Variants in GLRX3 observed in about 807,000 individuals in gnomAD.
The protein encoded by GLRX3 is glutaredoxin-3.
Under a neutral mutation model 49.5 loss-of-function variants are expected in GLRX3, and 22 were observed. The ratio of observed to expected loss-of-function variants is 0.44; its 90% confidence interval spans 0.32 to 0.63. The LOEUF (loss-of-function observed/expected upper bound fraction) is 0.63. Among genes scored for constraint, GLRX3 ranks in the 30% least tolerant of loss-of-function variants. The pLI is 0.05. For synonymous variants in GLRX3, 133 were observed against 140.0 expected (o/e 0.95, Z 0.35); for missense variants, 385 against 396.3 (o/e 0.97, Z 0.24).
rs1862556700 is a variant in GLRX3 at position 130,160,653 on chromosome 10, T to C, written c.277-143T>C. 2.3e-5 allele frequency: 14 copies of C among 614,094 alleles called. No homozygotes were observed. In the South Asian group the frequency reaches 2.6e-4, roughly 12 times the overall value. The allele number at this position is 614,094 out of a possible 1,614,324, so 38.0% of individuals were successfully genotyped here. A position where few individuals can be genotyped will look rare whatever the true frequency, so the allele number is the denominator to read the frequency against. On this transcript the variant is annotated intron_variant, in intron 3 of 10. Transcript: ENST00000331244. ...AGAAAAAAATTATGTATTTCTAAAA[T>C]TGAGATGCAGTGCAGGCAATTGGCA... is the stretch of plus-strand genomic sequence containing the variant.
At chr10:130,167,302 G>A (rs556312409) in intron 6 of GLRX3, among the ~76,000 whole-genome samples, 48 of 152,284 alleles carry the variant, frequency 3.2e-4, no homozygotes, top group Non-Finnish European at 5.3e-4. Context: ...GCTCCTTGGC[G>A]TAACCTCAGC....
At chr10:130,141,689 C>T (rs933647910) in intron 1 of GLRX3, among the ~76,000 whole-genome samples, 4 of 152,208 alleles carry the variant, frequency 2.6e-5, no homozygotes, top group Non-Finnish European at 5.9e-5. Flanking sequence ...GTATGAATGT[C>T]TATCACTTTC....
intron 2 of GLRX3, among the ~76,000 whole-genome samples, chr10:130,150,136 A>G (rs1862345367): frequency 6.7e-6 from 1 of 150,260 alleles, no homozygotes; most frequent in Admixed American, 6.7e-5. Flanking sequence ...GCTAGTCGGG[A>G]GGCTGAGGCA....
intron 4 of GLRX3, among the ~76,000 whole-genome samples, chr10:130,165,982 G>A (rs895743404): frequency 2.0e-5 from 3 of 152,170 alleles, no homozygotes; most frequent in African/African-American, 7.2e-5. Context: ...GCAGGTGTCA[G>A]ATTCAGATTT....
intron 2 of GLRX3, among the ~76,000 whole-genome samples, chr10:130,159,252 C>T (rs1176658755): frequency 3.3e-5 from 5 of 152,134 alleles, no homozygotes; most frequent in Non-Finnish European, 5.9e-5. Context: ...TAAAGACCTA[C>T]GTAAATAGCT....
chr10:130,144,286 CTT>C (rs111691897), intron 1 of GLRX3, among the ~76,000 whole-genome samples: 46 of 116,188 alleles, frequency 4.0e-4, no homozygotes, highest in Middle Eastern at 5.0e-3. Context: ...ATTTGCCTGG[CTT>C]TTTTTTTTTT....
At chr10:130,153,302 A>C (rs766952472) in intron 2 of GLRX3, among the ~76,000 whole-genome samples, 5 of 152,182 alleles carry the variant, frequency 3.3e-5, no homozygotes, top group African/African-American at 1.2e-4. Context: ...GCTTCTGTCA[A>C]CTTGTTGAAC....
intron 10 of GLRX3, among the ~76,000 whole-genome samples, chr10:130,178,275 TCTCA>T (rs1237241273): frequency 6.6e-6 from 1 of 151,650 alleles, no homozygotes; most frequent in African/African-American, 2.4e-5. Context: ...CGAGACAGAG[TCTCA>T]CTCTGTCACC....
chr10:130,139,146 C>T (rs1862125201), intron 1 of GLRX3, among the ~76,000 whole-genome samples: 6 of 151,858 alleles, frequency 4.0e-5, no homozygotes, highest in African/African-American at 2.4e-5. Context: ...TGAGCCACTG[C>T]GCCCGGCCAA....
chr10:130,174,856 C>CT lies in GLRX3; in HGVS notation c.825-5dup, dbSNP rs34722779. ...TGTATTTCCAGTTAAAATGTCTTCT[C>CT]TTTTTTGCAGTGTTGAATATGAAAC... On this transcript the variant is annotated splice_polypyrimidine_tract_variant and intron_variant, in intron 8 of 10. Transcript: ENST00000331244. 3.9e-6 allele frequency: 6 copies of CT among 1,547,262 alleles called. No homozygotes were observed. The highest frequency in any genetic ancestry group is 2.2e-5 in the East Asian group (1 of 44,566).
At chr10:130,145,390 C>A in intron 2 of GLRX3, 71 bp downstream of exon 2, 1 of 760,000 alleles carries the variant, frequency 1.3e-6, no homozygotes, top group Non-Finnish European at 2.4e-6. Flanking sequence ...GGGCTGGGTG[C>A]GGTAGCTCAC....
intron 4 of GLRX3, among the ~76,000 whole-genome samples, chr10:130,164,339 G>C (rs1417287589): frequency 6.6e-6 from 1 of 152,174 alleles, no homozygotes; most frequent in Non-Finnish European, 1.5e-5. Flanking sequence ...TTAATTATTT[G>C]GGAATTCTTA....
At chr10:130,150,005 G>T (rs1366055226) in intron 2 of GLRX3, among the ~76,000 whole-genome samples, 1 of 149,984 alleles carries the variant, frequency 6.7e-6, no homozygotes, top group Non-Finnish European at 1.5e-5. Flanking sequence ...TTGGGAGGCC[G>T]AGGCGGGTGG....
intron 1 of GLRX3, among the ~76,000 whole-genome samples, chr10:130,143,281 A>G (rs191487789): frequency 3.9e-4 from 59 of 152,186 alleles, no homozygotes; most frequent in African/African-American, 1.4e-3. Flanking sequence ...CAGTTTTTAC[A>G]GTTTGTTATT....
In GLRX3 at chr10:130,175,001, G is replaced by C. The variant is rs370646206; in HGVS notation, c.869G>C (p.Arg290Pro). ...TFDILEDEEV[R>P]QGLKAYSNWP... ...GGATTCCTGTTGTTTCTTTAGGTTC[G>C]GCAAGGATTAAAAGCTTACTCAAAT... Residue 290 changes from arginine (R) to proline (P), a missense_variant, in exon 10 of 11, where the codon CGG becomes CCG. By Grantham distance (103) the Arg-to-Pro change is moderately radical. Coordinates refer to ENST00000331244, the MANE Select transcript of GLRX3 (RefSeq NM_006541.5). 3 of 1,606,026 alleles carry C rather than the reference G, an allele frequency of 1.9e-6. No homozygotes were observed. Among genetic ancestry groups the C allele is most frequent in the Admixed American group, 3.3e-5 (2 of 60,000 alleles).
At chr10:130,139,365 C>T (rs904448569) in intron 1 of GLRX3, among the ~76,000 whole-genome samples, 4 of 148,368 alleles carry the variant, frequency 2.7e-5, no homozygotes, top group Non-Finnish European at 4.4e-5. Context: ...TTAGGCCGGG[C>T]GCGGTGGCTC....
chr10:130,141,772 A>G (rs1032139632), intron 1 of GLRX3, among the ~76,000 whole-genome samples: 3 of 152,184 alleles, frequency 2.0e-5, no homozygotes, highest in African/African-American at 7.2e-5. Flanking sequence ...GCATTCTTGC[A>G]TGAGGCCTCT....
In GLRX3 at chr10:130,174,891, A is replaced by C; in HGVS notation, c.849A>C (p.Ile283=). ...STGVEYETFD[I]LEDEEVRQGL... is the part of the protein sequence containing the mutation. ...GTGTTGAATATGAAACATTCGATAT[A>C]TTGGAGGATGAAGAAGTAAGTTCTG... The change falls in exon 9 of 11, where the codon ATA becomes ATC. Residue 283 remains isoleucine (I), a synonymous_variant. Coordinates refer to ENST00000331244, the MANE Select transcript of GLRX3 (RefSeq NM_006541.5). 1.3e-6 allele frequency: 2 copies of C among 1,598,640 alleles called. No individual in the cohort carries two copies. Among genetic ancestry groups the C allele is most frequent in the Non-Finnish European group, 1.7e-6 (2 of 1,165,852 alleles).
intron 10 of GLRX3, among the ~76,000 whole-genome samples, chr10:130,177,440 G>T (rs780213964): frequency 6.6e-6 from 1 of 152,184 alleles, no homozygotes; most frequent in African/African-American, 2.4e-5. Flanking sequence ...TATTTGGCGC[G>T]CTCCCAATGT....
Sources: allele counts gnomAD v4.1 joint callset (sites outside exome capture counted in the v4.1 genomes callset), GRCh38; gene constraint gnomAD v4.1.1; transcripts MANE v1.5; gene names NCBI Gene and HGNC (gene_info 2026-07-23, HGNC 2026-07-21).